The following SCOC variants were observed in gnomAD, a reference collection of about 807,000 sequenced individuals.
SCOC encodes the protein short coiled-coil protein.
SCOC carries 7 observed loss-of-function variants against 9.9 expected under a neutral mutation model. The ratio of observed to expected loss-of-function variants is 0.71; its 90% confidence interval spans 0.40 to 1.33. SCOC has a LOEUF of 1.33. Ranked by LOEUF, SCOC falls within the 40% of genes most tolerant of loss-of-function variation. The pLI, the probability that SCOC is intolerant of heterozygous loss-of-function variation, is 0.01. For synonymous variants in SCOC, 19 were observed against 28.2 expected (o/e 0.67, Z 1.03); for missense variants, 66 against 89.7 (o/e 0.74, Z 1.07).
intron 1 of SCOC, chr4:140,284,149 T>C (rs1053233888): frequency 5.9e-5 from 9 of 152,106 alleles, no homozygotes; most frequent in African/African-American, 2.2e-4. Context: ...TACTTATCAA[T>C]GTTCAATTTT....
chr4:140,340,930 T>TACA (rs1726492115), upstream of SCOC, among the ~76,000 whole-genome samples: 1 of 151,744 alleles, frequency 6.6e-6, no homozygotes, highest in Non-Finnish European at 1.5e-5. Flanking sequence ...TAGCTGGGAT[T>TACA]ACAGGCGTGT....
At chr4:140,329,392 A>G (rs1470322257) in intron 1 of SCOC, among the ~76,000 whole-genome samples, 1 of 152,210 alleles carries the variant, frequency 6.6e-6, no homozygotes, top group East Asian at 1.9e-4. Context: ...TTGCTTAGGC[A>G]AAGACTTCAT....
intron 1 of SCOC, among the ~76,000 whole-genome samples, chr4:140,296,787 C>T (rs890576162): frequency 6.6e-6 from 1 of 151,906 alleles, no homozygotes; most frequent in Non-Finnish European, 1.5e-5. Context: ...AAAAAAAAAA[C>T]CTAATAATTC....
chr4:140,264,976 C>G (rs754234771), intron 1 of SCOC, among the ~76,000 whole-genome samples: 3 of 152,154 alleles, frequency 2.0e-5, no homozygotes, highest in Non-Finnish European at 4.4e-5. Flanking sequence ...CATGAGGCCT[C>G]ATGACTTGAT....
rs1215692173 is a variant in SCOC, at chr4:140,355,209, T to TTTTATA, written c.70+11503_70+11508dup. Reference sequence around the variant, plus strand: ...CAACTTCTCAGCCTATACATTATATTTTTATATATATATATATATATATAT... The same window carrying TTTTATA: ...CAACTTCTCAGCCTATACATTATATTTTTATATTTATATATATATATATATATATAT... On this transcript the variant is annotated intron_variant, in intron 2 of 4. Transcript: ENST00000338517. 7.8e-4 allele frequency among the ~76,000 whole-genome samples: 8 copies of TTTTATA among 10,210 alleles called. No individual in the cohort carries two copies. In the East Asian group the frequency reaches 0.019, roughly 24 times the overall value. The allele number at this position is 10,210 out of a possible 152,430, so 6.7% of individuals were successfully genotyped here. A position where few individuals can be genotyped will look rare whatever the true frequency, so the allele number is the denominator to read the frequency against.
At chr4:140,330,726 A>C (rs1196799323) in intron 1 of SCOC, among the ~76,000 whole-genome samples, 1 of 152,254 alleles carries the variant, frequency 6.6e-6, no homozygotes, top group Non-Finnish European at 1.5e-5. Flanking sequence ...ATGACTTTGA[A>C]AGTTTTAACA....
intron 1 of SCOC, among the ~76,000 whole-genome samples, chr4:140,290,500 T>C (rs1368429147): frequency 6.6e-6 from 1 of 152,170 alleles, no homozygotes; most frequent in Non-Finnish European, 1.5e-5. Context: ...TGTGACCTCA[T>C]GAATTGGCAG....
At chr4:140,310,136 C>G (rs1433943573) in intron 1 of SCOC, among the ~76,000 whole-genome samples, 3 of 152,194 alleles carry the variant, frequency 2.0e-5, no homozygotes, top group Admixed American at 6.5e-5. Context: ...ATTGTAAATT[C>G]TTATGCTTTA....
intron 1 of SCOC, among the ~76,000 whole-genome samples, chr4:140,280,675 A>T (rs1731077857): frequency 6.6e-6 from 1 of 152,220 alleles, no homozygotes; most frequent in Non-Finnish European, 1.5e-5. Context: ...GACTCCTAAA[A>T]AGAGCTAATT....
upstream of SCOC, among the ~76,000 whole-genome samples, chr4:140,371,451 T>C (rs983737641): frequency 6.6e-5 from 10 of 152,216 alleles, no homozygotes; most frequent in Non-Finnish European, 1.5e-4. Flanking sequence ...TGTCGTGGTA[T>C]CAGGATTGAA....
At chr4:140,358,545 T>G (rs1727330698) in intron 2 of SCOC, among the ~76,000 whole-genome samples, 1 of 152,204 alleles carries the variant, frequency 6.6e-6, no homozygotes, top group Non-Finnish European at 1.5e-5. Context: ...TAGCCTATAG[T>G]GCCTGCCAGC....
intron 2 of SCOC, among the ~76,000 whole-genome samples, chr4:140,345,574 T>TA (rs1353267794): frequency 1.3e-5 from 2 of 152,190 alleles, no homozygotes; most frequent in Non-Finnish European, 2.9e-5. Context: ...CAAATTATTA[T>TA]AAAAAAATGG....
upstream of SCOC, chr4:140,373,503 T>G: frequency 6.4e-7 from 1 of 1,551,566 alleles, no homozygotes; most frequent in Non-Finnish European, 8.7e-7. Flanking sequence ...CCCGGTGCTT[T>G]GAGATTGGAC....
chr4:140,267,949 A>G (rs947221777), intron 1 of SCOC, among the ~76,000 whole-genome samples: 2 of 152,202 alleles, frequency 1.3e-5, no homozygotes, highest in African/African-American at 4.8e-5. Flanking sequence ...GAGAGCTGCT[A>G]AGGACCGGCC....
At chr4:140,348,993 C>T (rs962714361) in intron 2 of SCOC, among the ~76,000 whole-genome samples, 1 of 152,138 alleles carries the variant, frequency 6.6e-6, no homozygotes, top group African/African-American at 2.4e-5. Flanking sequence ...TACCCATTGG[C>T]CATTTGTATG....
upstream of SCOC, among the ~76,000 whole-genome samples, chr4:140,342,368 G>C (rs969790584): frequency 6.6e-6 from 1 of 152,012 alleles, no homozygotes; most frequent in African/African-American, 2.4e-5. Flanking sequence ...AAACCTCCAG[G>C]ATTCTTGTTT....
chr4:140,365,152 C>A, intron 2 of SCOC, among the ~76,000 whole-genome samples: 1 of 136,456 alleles, frequency 7.3e-6, no homozygotes, highest in African/African-American at 2.8e-5. Flanking sequence ...TCAAAGAAAT[C>A]ATGAAAGATA....
At position 140,384,185 on chromosome 4, in the gene SCOC, A is replaced by C. The variant is rs970606962; in HGVS notation, c.*3081A>C. On this transcript the variant is annotated 3_prime_UTR_variant, in exon 4 of 4. Transcript: ENST00000608372. ...GCAAGGAATAGCCAATTCACTTAAC[A>C]TTCTGGCTTTTTCCAGCTAGAGCTA... 6.6e-6 allele frequency: 1 copy of C among 152,230 alleles called. No individual in the cohort carries two copies. The highest frequency in any genetic ancestry group is 2.4e-5 in the African/African-American group (1 of 41,474). The allele number at this position is 152,230 out of a possible 1,614,324, so 9.4% of individuals were successfully genotyped here. A position where few individuals can be genotyped will look rare whatever the true frequency, so the allele number is the denominator to read the frequency against.
chr4:140,294,968 T>C (rs1406893920), intron 1 of SCOC, among the ~76,000 whole-genome samples: 1 of 152,182 alleles, frequency 6.6e-6, no homozygotes, highest in African/African-American at 2.4e-5. Context: ...TCATAATAAA[T>C]TTGAAATTAA....
Sources: gnomAD v4.1 joint callset for allele counts (sites outside exome capture counted in the v4.1 genomes callset) on GRCh38, gnomAD v4.1.1 for gene constraint, MANE v1.5 for transcripts, NCBI Gene and HGNC (gene_info 2026-07-23, HGNC 2026-07-21) for gene names.